NAV2: variants seen among roughly 807,000 people sequenced by gnomAD.
NAV2 encodes the protein helicase, APC down-regulated 1.
A neutral mutation model predicts 223.2 loss-of-function variants in NAV2; 54 were observed. That is an observed-to-expected ratio of 0.24 (90% confidence interval 0.19 to 0.30). The LOEUF (loss-of-function observed/expected upper bound fraction) is 0.30. NAV2 is among the 10% of genes least tolerant of loss of function. NAV2 has a pLI of 1.00. For synonymous variants in NAV2, 1,279 were observed against 1,239.3 expected, an observed-to-expected ratio of 1.03 and a Z score of -0.67; for missense variants, 2,806 against 3,147.5, an observed-to-expected ratio of 0.89 and a Z score of 2.60.
intron 1 of NAV2, among the ~76,000 whole-genome samples, chr11:19,422,602 TC>T (rs61197437): frequency 0.85 from 129,547 of 151,850 alleles, 56,216 homozygotes; most frequent in East Asian, 0.93. Flanking sequence ...GAGAGGCCTC[TC>T]TCTCTCTGTT....
intron 1 of NAV2, chr11:19,506,305 T>C (rs2043122326): frequency 6.6e-6 from 1 of 152,220 alleles, no homozygotes. Flanking sequence ...CCAGGACTTG[T>C]AGCCGATCTG....
intron 4 of NAV2, among the ~76,000 whole-genome samples, chr11:19,875,557 C>T (rs2062788999): frequency 6.6e-6 from 1 of 152,096 alleles, no homozygotes. Flanking sequence ...TTGCATGATT[C>T]TATTTATGCG....
chr11:19,461,865 G>A (rs961975156), intron 1 of NAV2, among the ~76,000 whole-genome samples: 7 of 152,166 alleles, frequency 4.6e-5, no homozygotes, highest in Non-Finnish European at 7.3e-5. Flanking sequence ...GAGTGCAGTG[G>A]CGCGATCTCG....
In NAV2 at chr11:19,880,092, TCAG is replaced by T. The variant is rs2063107003; in HGVS notation, c.739_741del (p.Gln247del). The T allele has an allele frequency of 1.2e-6, 2 of 1,606,734 alleles. No individual in the cohort carries two copies. ...GCCAGCCTCACCAGCCAGCGCCACATCAGCAGTCAAAAGCACAAGCTGAAATGC... is the reference window on the plus strand; with the variant it reads ...GCCAGCCTCACCAGCCAGCGCCACATCAGTCAAAAGCACAAGCTGAAATGC... On this transcript the variant is annotated inframe_deletion, in exon 5 of 38. Transcript: ENST00000349880.
intron 1 of NAV2, among the ~76,000 whole-genome samples, chr11:19,749,011 G>C (rs1220070699): frequency 6.6e-6 from 1 of 152,226 alleles, no homozygotes; most frequent in Non-Finnish European, 1.5e-5. Context: ...GGGCCATTCA[G>C]AGGTCTTCTT....
rs1405644068 is a variant in NAV2, at chr11:19,351,321, A to G, written c.75+294A>G. 2.0e-5 allele frequency among the ~76,000 whole-genome samples: 3 copies of G among 152,362 alleles called. No homozygotes were observed. The East Asian group carries it at 5.8e-4, about 29-fold the overall frequency. ...AAAATGTTGGTGTTCTCAAAATCCA[A>G]TATGAGTTTCTTTGTACTGAAGCCC... On this transcript the variant is annotated intron_variant, in intron 1 of 37. Coordinates refer to the NAV2 transcript ENST00000360655.
At chr11:20,049,293 G>T in intron 15 of NAV2, 98 bp downstream of exon 15, 1 of 922,284 alleles carries the variant, frequency 1.1e-6, no homozygotes, top group Non-Finnish European at 1.6e-6. Flanking sequence ...GCCTTTGCCT[G>T]TAAGATTTCT....
At chr11:19,547,257 G>C (rs2044530477) in intron 1 of NAV2, among the ~76,000 whole-genome samples, 1 of 152,222 alleles carries the variant, frequency 6.6e-6, no homozygotes, top group African/African-American at 2.4e-5. Context: ...GAGCCCAGCG[G>C]AGGGCCAGGA....
chr11:19,978,118 C>A (rs1402930574), intron 10 of NAV2, among the ~76,000 whole-genome samples: 1 of 151,364 alleles, frequency 6.6e-6, no homozygotes, highest in Admixed American at 6.5e-5. Context: ...AGCCACCACA[C>A]CCAGCAAGGT....
At position 19,513,155 on chromosome 11, in the gene NAV2, A is replaced by G. The variant is rs183999069; in HGVS notation, c.75+162128A>G. ...AAAGGGTGAGACTTGCTTCTGCTGCAGCAATGGTGATGTTATTCTTGCTGA... is the reference window on the plus strand; with the variant it reads ...AAAGGGTGAGACTTGCTTCTGCTGCGGCAATGGTGATGTTATTCTTGCTGA... On this transcript the variant is annotated intron_variant, in intron 1 of 37. Coordinates refer to the NAV2 transcript ENST00000360655. Among the ~76,000 whole-genome samples the G allele has an allele frequency of 2.0e-4, 30 of 152,308 alleles. No individual in the cohort carries two copies. The East Asian group carries it at 4.4e-3, about 23-fold the overall frequency.
At position 19,486,504 on chromosome 11, in the gene NAV2, G is replaced by A. The variant is rs769828609; in HGVS notation, c.75+135477G>A. 5.3e-5 allele frequency among the ~76,000 whole-genome samples: 8 copies of A among 152,208 alleles called. 1 individual carries two copies. The South Asian group carries it at 1.0e-3, about 20-fold the overall frequency. ...GGGCGGTTACTCTCATGCTGTTCTCGTGATAGTAAGTAAGTTCTCACGAGA... is the reference window on the plus strand; with the variant it reads ...GGGCGGTTACTCTCATGCTGTTCTCATGATAGTAAGTAAGTTCTCACGAGA... On this transcript the variant is annotated intron_variant, in intron 1 of 37. Transcript: ENST00000360655.
chr11:20,068,591 T>C (rs865858464), intron 22 of NAV2, among the ~76,000 whole-genome samples, 193 bp downstream of exon 22: 1 of 152,222 alleles, frequency 6.6e-6, no homozygotes, highest in Middle Eastern at 3.2e-3. Flanking sequence ...AGTTCTTGAA[T>C]CTCAGCCTGC....
Position 20,103,298 on chromosome 11 carries a change from G to T in NAV2, c.6461G>T (p.Ser2154Ile), listed in dbSNP as rs763846959. 14 of 1,614,090 alleles carry T rather than the reference G, an allele frequency of 8.7e-6. No homozygotes were observed. The highest frequency in any genetic ancestry group is 3.4e-6 in the Non-Finnish European group (4 of 1,180,030). Residue 2154 changes from serine to isoleucine, a missense_variant, in exon 33 of 38, where the codon AGT becomes ATT. This residue lies in a region of NAV2 where 824 missense variants were observed against 1,069.4 expected (regional missense o/e 0.77). Coordinates refer to ENST00000349880, the MANE Select transcript of NAV2 (RefSeq NM_145117.5). Reference sequence around the variant, plus strand: ...TCCAACCTTGCTGACCAGTGCAACAGTGAGAACAATGCTGTGGACATGCCC... The same window carrying T: ...TCCAACCTTGCTGACCAGTGCAACATTGAGAACAATGCTGTGGACATGCCC... ...YLSNLADQCN[S>I]ENNAVDMPLV...
At chr11:19,600,585 T>G (rs760049062) in intron 1 of NAV2, among the ~76,000 whole-genome samples, 1 of 152,220 alleles carries the variant, frequency 6.6e-6, no homozygotes, top group South Asian at 2.1e-4. Context: ...GGAGCCAGAA[T>G]AACTGGGTTC....
chr11:19,744,380 T>C (rs940803130), intron 1 of NAV2, among the ~76,000 whole-genome samples: 17 of 152,310 alleles, frequency 1.1e-4, no homozygotes, highest in African/African-American at 3.6e-4. Flanking sequence ...TCCATCTCCC[T>C]GTCCTAAATA....
At chr11:19,597,527 C>T (rs889570404) in intron 1 of NAV2, among the ~76,000 whole-genome samples, 1 of 152,246 alleles carries the variant, frequency 6.6e-6, no homozygotes, top group Non-Finnish European at 1.5e-5. Context: ...TTTCCTCCAA[C>T]AACAGTCCCT....
intron 1 of NAV2, among the ~76,000 whole-genome samples, chr11:19,613,702 C>A: frequency 6.6e-6 from 1 of 152,286 alleles, no homozygotes; most frequent in Non-Finnish European, 1.5e-5. Flanking sequence ...AAGAACCAAG[C>A]GGCCAGAGTT....
chr11:19,454,755 A>G (rs1004630877), intron 1 of NAV2, among the ~76,000 whole-genome samples: 7 of 152,222 alleles, frequency 4.6e-5, no homozygotes, highest in African/African-American at 1.7e-4. Context: ...GCTAAAGATA[A>G]TATTTCTAAG....
intron 6 of NAV2, among the ~76,000 whole-genome samples, chr11:19,931,157 C>A (rs555634105): frequency 6.6e-6 from 1 of 152,272 alleles, no homozygotes; most frequent in Admixed American, 6.5e-5. Flanking sequence ...CACTGAGCCT[C>A]CTGACACCAA....
Sources: gnomAD v4.1 joint callset for allele counts (sites outside exome capture counted in the v4.1 genomes callset) on GRCh38, gnomAD v4.1.1 for gene constraint, gnomAD v4.1.1 regional missense constraint, MANE v1.5 for transcripts, NCBI Gene and HGNC (gene_info 2026-07-23, HGNC 2026-07-21) for gene names.